The following NR3C2 variants were observed in gnomAD, a reference collection of about 807,000 sequenced individuals.
NR3C2 encodes nuclear receptor subfamily 3 group C member 2, also known as mineralocorticoid receptor.
NR3C2 carries 15 observed loss-of-function variants against 86.4 expected under a neutral mutation model. The ratio of observed to expected loss-of-function variants is 0.17; its 90% CI spans 0.12 to 0.27. The LOEUF (loss-of-function observed/expected upper bound fraction) is 0.27. Among genes scored for constraint, NR3C2 ranks in the 10% least tolerant of loss-of-function variants. NR3C2 has a pLI of 1.00. For synonymous variants in NR3C2, 458 were observed against 450.5 expected, an observed-to-expected ratio of 1.02 and a Z score of -0.21; for missense variants, 960 against 1,195.6, an observed-to-expected ratio of 0.80 and a Z score of 2.91.
At chr4:148,416,397 T>A (rs769372764) in intron 2 of NR3C2, among the ~76,000 whole-genome samples, 1 of 152,234 alleles carries the variant, frequency 6.6e-6, no homozygotes, top group African/African-American at 2.4e-5. Context: ...TCAGTCCTTA[T>A]AACAATACTG....
intron 2 of NR3C2, among the ~76,000 whole-genome samples, chr4:148,366,474 AAGTACTC>A (rs1746140836): frequency 6.6e-6 from 1 of 151,722 alleles, no homozygotes; most frequent in Non-Finnish European, 1.5e-5. Flanking sequence ...ACTTTTTAAA[AAGTACTC>A]AGCACTTTTA....
chr4:148,376,167 C>T (rs1031796862), intron 2 of NR3C2, among the ~76,000 whole-genome samples: 15 of 141,554 alleles, frequency 1.1e-4, no homozygotes, highest in Admixed American at 2.8e-4. Flanking sequence ...AAAAAACCCA[C>T]GACGACTGGG....
chr4:148,425,003 G>A (rs757193674), intron 2 of NR3C2, among the ~76,000 whole-genome samples: 1 of 152,158 alleles, frequency 6.6e-6, no homozygotes, highest in Non-Finnish European at 1.5e-5. Context: ...ATACTGAGAT[G>A]AGAAAAAGGA....
upstream of NR3C2, chr4:148,444,347 C>A: frequency 1.0e-6 from 1 of 985,424 alleles, no homozygotes; most frequent in Non-Finnish European, 1.2e-6. Flanking sequence ...CGCCCGCCAC[C>A]CAGCACCCTT....
In NR3C2 at chr4:148,392,273, T is replaced by C. The variant is rs974185915; in HGVS notation, c.1757+42831A>G. ...GAAACCATTTAACAATCATTTCACA[T>C]CATATTATCATTTCGGGTGTTCTAT... On this transcript the variant is annotated intron_variant, in intron 2 of 8. Coordinates refer to ENST00000358102, the MANE Select transcript of NR3C2 (RefSeq NM_000901.5). Among the ~76,000 whole-genome samples the C allele has an allele frequency of 2.6e-5, 4 of 152,234 alleles. No homozygotes were observed. In the East Asian group the frequency reaches 7.7e-4, roughly 29 times the overall value.
At chr4:148,330,519 A>G (rs1744177452) in intron 2 of NR3C2, among the ~76,000 whole-genome samples, 1 of 130,832 alleles carries the variant, frequency 7.6e-6, no homozygotes. Context: ...ATTAAAATGT[A>G]GTCTTTTTAT....
At chr4:148,232,434 T>A (rs1560991080) in intron 3 of NR3C2, among the ~76,000 whole-genome samples, 1 of 152,224 alleles carries the variant, frequency 6.6e-6, no homozygotes, top group Non-Finnish European at 1.5e-5. Flanking sequence ...AATATCTTTT[T>A]GTCTGAGCAG....
intron 3 of NR3C2, among the ~76,000 whole-genome samples, chr4:148,224,772 C>T (rs985435234): frequency 9.2e-5 from 14 of 152,092 alleles, no homozygotes; most frequent in Admixed American, 2.0e-4. Flanking sequence ...ATACTGATAA[C>T]AATATCTAAC....
intron 4 of NR3C2, among the ~76,000 whole-genome samples, chr4:148,188,014 C>T (rs560818726): frequency 6.6e-6 from 1 of 152,260 alleles, no homozygotes. Context: ...TGTCAAAGAT[C>T]AGTTGGCTCT....
chr4:148,188,637 G>C (rs187008165), intron 4 of NR3C2, among the ~76,000 whole-genome samples: 1 of 152,208 alleles, frequency 6.6e-6, no homozygotes, highest in East Asian at 1.9e-4. Context: ...TTCTAGGGGG[G>C]TCCTTAGGGT....
chr4:148,155,962 T>C (rs1214693395), intron 4 of NR3C2, among the ~76,000 whole-genome samples: 1 of 151,962 alleles, frequency 6.6e-6, no homozygotes, highest in East Asian at 1.9e-4. Flanking sequence ...ACGCCACATA[T>C]CGACAACTAT....
intron 2 of NR3C2, among the ~76,000 whole-genome samples, chr4:148,325,402 TTCTC>T (rs1444121190): frequency 1.3e-5 from 2 of 152,200 alleles, no homozygotes; most frequent in Non-Finnish European, 2.9e-5. Flanking sequence ...GTGTTTTAAC[TTCTC>T]TCTTTTTTTA....
At chr4:148,443,261 G>T (rs938527009), upstream of NR3C2, among the ~76,000 whole-genome samples, 2 of 125,096 alleles carry the variant, frequency 1.6e-5, no homozygotes, top group Non-Finnish European at 3.3e-5. Context: ...AAAAGAGAGA[G>T]AGAGAAAGAT....
At chr4:148,219,807 G>C (rs983304542) in intron 3 of NR3C2, among the ~76,000 whole-genome samples, 1 of 152,128 alleles carries the variant, frequency 6.6e-6, no homozygotes, top group Non-Finnish European at 1.5e-5. Flanking sequence ...TATGCGATGA[G>C]TTTTATTGTT....
chr4:148,154,296 T>C (rs1734242977), intron 5 of NR3C2, among the ~76,000 whole-genome samples: 1 of 152,200 alleles, frequency 6.6e-6, no homozygotes, highest in Non-Finnish European at 1.5e-5. Context: ...AGTGCTGGGA[T>C]TACAGGCGTG....
chr4:148,253,570 G>A (rs1337977110), intron 3 of NR3C2, among the ~76,000 whole-genome samples: 1 of 152,112 alleles, frequency 6.6e-6, no homozygotes, highest in African/African-American at 2.4e-5. Context: ...CACTTTCATG[G>A]ATGATGATTC....
intron 3 of NR3C2, among the ~76,000 whole-genome samples, chr4:148,240,253 T>G (rs896218843): frequency 2.0e-5 from 3 of 147,726 alleles, no homozygotes; most frequent in Admixed American, 1.4e-4. Flanking sequence ...TATATATATT[T>G]ATATATAAAT....
At chr4:148,127,296 A>G (rs1011093016) in intron 6 of NR3C2, among the ~76,000 whole-genome samples, 1 of 152,226 alleles carries the variant, frequency 6.6e-6, no homozygotes, top group African/African-American at 2.4e-5. Flanking sequence ...AAGTTGAAAT[A>G]AGGACAATCT....
chr4:148,205,806 A>G (rs916100786), intron 3 of NR3C2, among the ~76,000 whole-genome samples: 10 of 152,256 alleles, frequency 6.6e-5, no homozygotes, highest in African/African-American at 2.4e-4. Flanking sequence ...ATAACAATAG[A>G]TTTGCATCTT....
Sources: gnomAD v4.1 joint callset for allele counts (sites outside exome capture counted in the v4.1 genomes callset) on GRCh38, gnomAD v4.1.1 for gene constraint, MANE v1.5 for transcripts, NCBI Gene and HGNC (gene_info 2026-07-23, HGNC 2026-07-21) for gene names.